PIK3C2G: variants seen among roughly 807,000 people sequenced by gnomAD.
PIK3C2G encodes phosphatidylinositol-4-phosphate 3-kinase catalytic subunit type 2 gamma.
A neutral mutation model predicts 181.1 loss-of-function variants in PIK3C2G; 168 were observed. The ratio of observed to expected loss-of-function variants is 0.93; its 90% confidence interval spans 0.82 to 1.05. The LOEUF (loss-of-function observed/expected upper bound fraction) is 1.05. PIK3C2G is among the 50% of genes least tolerant of loss of function. The pLI is 0.00. For missense variants in PIK3C2G, 1,869 were observed against 1,732.8 expected, an observed-to-expected ratio of 1.08 and a Z score of -1.40; for synonymous variants, 573 against 592.2, an observed-to-expected ratio of 0.97 and a Z score of 0.47.
chr12:18,408,521 G>C (rs564078299), intron 16 of PIK3C2G, among the ~76,000 whole-genome samples: 1 of 152,042 alleles, frequency 6.6e-6, no homozygotes, highest in South Asian at 2.1e-4. Flanking sequence ...TGTTCTTTTT[G>C]CTTAGGATTG....
the PIK3C2G span, among the ~76,000 whole-genome samples, chr12:18,691,162 G>A: frequency 5.9e-5 from 9 of 152,110 alleles, no homozygotes; most frequent in South Asian, 1.0e-3. Flanking sequence ...AGAATTTAAC[G>A]TTGGTCTGGA....
At position 18,598,156 on chromosome 12, in the gene PIK3C2G, T is replaced by C. The variant is rs796209197; in HGVS notation, c.4087+3587T>C. On this transcript the variant is annotated intron_variant, in intron 30 of 32. Transcript: ENST00000538779. ...AGAATTGGAAACAACTACTTTAAAG[T>C]TCATATGGAACCAAAAAAGAGCCCG... 8.3e-4 allele frequency among the ~76,000 whole-genome samples: 126 copies of C among 152,106 alleles called. No homozygotes were observed. In the Middle Eastern group the frequency reaches 0.017, roughly 21 times the overall value.
chr12:18,443,873 G>A (rs971630306), intron 18 of PIK3C2G, among the ~76,000 whole-genome samples: 17 of 152,150 alleles, frequency 1.1e-4, no homozygotes, highest in Non-Finnish European at 1.9e-4. Flanking sequence ...AAGCATCTTA[G>A]AGTGTAACGA....
chr12:18,297,925 A>C (rs1314611134), intron 5 of PIK3C2G, among the ~76,000 whole-genome samples: 1 of 151,900 alleles, frequency 6.6e-6, no homozygotes, highest in Non-Finnish European at 1.5e-5. Context: ...TTCTTCATTC[A>C]TTGATGAATA....
chr12:18,596,366 C>A (rs1321523395), intron 30 of PIK3C2G, among the ~76,000 whole-genome samples: 1 of 151,962 alleles, frequency 6.6e-6, no homozygotes, highest in Non-Finnish European at 1.5e-5. Context: ...CTCAACAAAG[C>A]AGTAACCAAA....
intron 1 of PIK3C2G, among the ~76,000 whole-genome samples, chr12:18,268,364 A>T (rs926851558): frequency 7.9e-5 from 12 of 151,706 alleles, no homozygotes; most frequent in Admixed American, 5.3e-4. Flanking sequence ...AACTGTATTG[A>T]TGCTAAGAAC....
rs561380428 is a variant in PIK3C2G at position 18,585,400 on chromosome 12, C to T, written c.4012-9094C>T. 4.6e-3 allele frequency among the ~76,000 whole-genome samples: 689 copies of T among 149,870 alleles called. 2 individuals carry two copies. Among genetic ancestry groups the T allele is most frequent in the Non-Finnish European group, 6.7e-3 (449 of 67,346 alleles). On this transcript the variant is annotated intron_variant, in intron 29 of 32. Transcript: ENST00000538779. ...AAGCAAGAGTTGTAATCCTAATTTCCAACAAAACAGACATTAAACCAACAA... is the reference window on the plus strand; with the variant it reads ...AAGCAAGAGTTGTAATCCTAATTTCTAACAAAACAGACATTAAACCAACAA...
intron 24 of PIK3C2G, among the ~76,000 whole-genome samples, chr12:18,511,494 A>C (rs1942204032): frequency 6.6e-6 from 1 of 151,736 alleles, no homozygotes; most frequent in Non-Finnish European, 1.5e-5. Flanking sequence ...TTAATCTTTC[A>C]TGTTTTTGAT....
chr12:18,522,576 G>A (rs1942988480), intron 24 of PIK3C2G, among the ~76,000 whole-genome samples: 1 of 149,550 alleles, frequency 6.7e-6, no homozygotes, highest in Admixed American at 6.7e-5. Context: ...CTCCTGGCTT[G>A]CAGGGTCTCT....
chr12:18,648,432 G>A (rs144019768), downstream of PIK3C2G: 631 of 205,346 alleles, frequency 3.1e-3, 10 homozygotes, highest in African/African-American at 0.014. Flanking sequence ...AGGTATATCT[G>A]TAATCAATTT....
At chr12:18,725,238 G>A in the PIK3C2G span, among the ~76,000 whole-genome samples, 31,570 of 152,088 alleles carry the variant, frequency 0.21, 3,520 homozygotes, top group East Asian at 0.32. Context: ...AGGAGCAAGT[G>A]ACAATGGGGA....
chr12:18,515,189 T>C (rs1022429471), intron 24 of PIK3C2G, among the ~76,000 whole-genome samples: 1 of 151,928 alleles, frequency 6.6e-6, no homozygotes, highest in Non-Finnish European at 1.5e-5. Flanking sequence ...TGTGGTTTTC[T>C]TTTTTTGTTG....
chr12:18,486,559 T>G (rs1257108924), intron 18 of PIK3C2G, among the ~76,000 whole-genome samples: 1 of 152,086 alleles, frequency 6.6e-6, no homozygotes, highest in Non-Finnish European at 1.5e-5. Context: ...GGTAAAAAAT[T>G]GTTGATTTTG....
chr12:18,599,356 G>A (rs961029315), intron 30 of PIK3C2G, among the ~76,000 whole-genome samples: 2 of 152,118 alleles, frequency 1.3e-5, no homozygotes, highest in African/African-American at 4.8e-5. Flanking sequence ...TAGGGACATG[G>A]ATGAAATTGG....
At chr12:18,268,462 GACC>G (rs1948604632) in intron 1 of PIK3C2G, among the ~76,000 whole-genome samples, 1 of 151,874 alleles carries the variant, frequency 6.6e-6, no homozygotes, top group Non-Finnish European at 1.5e-5. Flanking sequence ...CAGTCTATTT[GACC>G]AGCTTTTAAT....
chr12:18,337,896 A>G (rs1055375335), intron 8 of PIK3C2G, among the ~76,000 whole-genome samples: 1 of 152,178 alleles, frequency 6.6e-6, no homozygotes, highest in Non-Finnish European at 1.5e-5. Context: ...ATGATTATCA[A>G]ACACCTTAAC....
At chr12:18,281,517 G>A (rs1565549061) in intron 1 of PIK3C2G, among the ~76,000 whole-genome samples, 1 of 150,288 alleles carries the variant, frequency 6.7e-6, no homozygotes, top group East Asian at 1.9e-4. Flanking sequence ...ATTATTTCGA[G>A]TTTTTTGGGG....
At chr12:18,354,529 G>A (rs972598885) in intron 11 of PIK3C2G, among the ~76,000 whole-genome samples, 10 of 152,174 alleles carry the variant, frequency 6.6e-5, no homozygotes, top group Non-Finnish European at 1.3e-4. Flanking sequence ...GGATTGCCCT[G>A]CAAGGTAAAG....
At chr12:18,346,537 A>G (rs1441265788) in intron 10 of PIK3C2G, 104 bp from the exon 11 acceptor site, 14 of 655,904 alleles carry the variant, frequency 2.1e-5, no homozygotes, top group Non-Finnish European at 3.6e-5. Context: ...CACTTTAATT[A>G]AAATTATTGA....
Sources: allele counts gnomAD v4.1 joint callset (sites outside exome capture counted in the v4.1 genomes callset), GRCh38; gene constraint gnomAD v4.1.1; transcripts MANE v1.5; gene names NCBI Gene and HGNC (gene_info 2026-07-23, HGNC 2026-07-21).